Variants in NKAIN2 observed in about 807,000 individuals in gnomAD.
The protein encoded by NKAIN2 is sodium/potassium transporting ATPase interacting 2, also known as sodium/potassium-transporting ATPase subunit beta-1-interacting protein 2.
In NKAIN2, 14 loss-of-function variants were observed where a neutral mutation model predicts 32.6. The ratio of observed to expected loss-of-function variants is 0.43; its 90% CI spans 0.28 to 0.67. The LOEUF (loss-of-function observed/expected upper bound fraction) is 0.67. Among genes scored for constraint, NKAIN2 ranks in the 30% least tolerant of loss-of-function variants. The pLI, the probability that NKAIN2 is intolerant of heterozygous loss-of-function variation, is 0.17. For synonymous variants in NKAIN2, 80 were observed against 87.2 expected (o/e 0.92, Z 0.46); for missense variants, 198 against 258.3 (o/e 0.77, Z 1.60).
rs186110019 is a variant in NKAIN2 at position 124,246,964 on chromosome 6, C to T, written c.55-36041C>T. On this transcript the variant is annotated intron_variant, in intron 1 of 6. Coordinates refer to ENST00000368417, the MANE Select transcript of NKAIN2 (RefSeq NM_001040214.3). The stretch of plus-strand genomic sequence containing the variant: ...GACGGTATGCCTTTTTGGAGGCTTA[C>T]GGGAGCAATCCATTTTTTTGCCTTT... Among the ~76,000 whole-genome samples, 170 of 152,116 alleles carry T rather than the reference C, an allele frequency of 1.1e-3. 1 individual carries two copies. The highest frequency in any genetic ancestry group is 2.0e-3 in the Admixed American group (30 of 15,230).
chr6:124,108,030 T>G (rs1389227593), intron 1 of NKAIN2, among the ~76,000 whole-genome samples: 1 of 152,162 alleles, frequency 6.6e-6, no homozygotes, highest in Non-Finnish European at 1.5e-5. Flanking sequence ...TTAATTCTTT[T>G]GGATAAATGC....
chr6:124,335,217 T>C (rs1173468025), intron 2 of NKAIN2, among the ~76,000 whole-genome samples: 1 of 152,192 alleles, frequency 6.6e-6, no homozygotes, highest in Non-Finnish European at 1.5e-5. Context: ...TTAAAATGTT[T>C]AGAAAAATGT....
At chr6:124,029,888 C>G (rs1781329933) in intron 1 of NKAIN2, among the ~76,000 whole-genome samples, 1 of 152,074 alleles carries the variant, frequency 6.6e-6, no homozygotes, top group Non-Finnish European at 1.5e-5. Context: ...CTACTGTGAA[C>G]TGTGCATGTG....
At chr6:124,321,025 G>T (rs1797161626) in intron 2 of NKAIN2, among the ~76,000 whole-genome samples, 1 of 152,110 alleles carries the variant, frequency 6.6e-6, no homozygotes, top group African/African-American at 2.4e-5. Context: ...TCATCTCAAA[G>T]GCTGTAGCAC....
intron 1 of NKAIN2, among the ~76,000 whole-genome samples, chr6:124,179,649 G>A (rs185305335): frequency 2.0e-5 from 3 of 152,286 alleles, no homozygotes. Context: ...AGGCGCATCT[G>A]CTCCATTTCA....
intron 1 of NKAIN2, among the ~76,000 whole-genome samples, chr6:124,103,903 C>A (rs1318512396): frequency 6.6e-6 from 1 of 151,872 alleles, no homozygotes; most frequent in Non-Finnish European, 1.5e-5. Context: ...CTGGCTAACA[C>A]GGTGAAACCC....
intron 1 of NKAIN2, among the ~76,000 whole-genome samples, chr6:124,125,569 A>G (rs992634472): frequency 6.6e-6 from 1 of 152,174 alleles, no homozygotes; most frequent in African/African-American, 2.4e-5. Flanking sequence ...ATTATTATGA[A>G]TAAAAAACAG....
At chr6:123,836,269 G>A (rs999690434) in intron 1 of NKAIN2, among the ~76,000 whole-genome samples, 2 of 151,886 alleles carry the variant, frequency 1.3e-5, no homozygotes, top group African/African-American at 4.8e-5. Context: ...ATTTCCAAAA[G>A]GTAATATATG....
chr6:124,621,844 T>C (rs987843039), intron 3 of NKAIN2, among the ~76,000 whole-genome samples: 5 of 152,194 alleles, frequency 3.3e-5, no homozygotes, highest in Non-Finnish European at 7.3e-5. Context: ...GCTTTGGATC[T>C]AGTTGTCCTT....
rs114208226 is a variant in NKAIN2, at chr6:123,810,979, A to G, written c.54+6725A>G. 5.4e-3 allele frequency among the ~76,000 whole-genome samples: 830 copies of G among 152,322 alleles called. 3 individuals are homozygous for G. Among genetic ancestry groups the G allele is most frequent in the African/African-American group, 0.012 (480 of 41,574 alleles). On this transcript the variant is annotated intron_variant, in intron 1 of 6. Coordinates refer to ENST00000368417, the MANE Select transcript of NKAIN2 (RefSeq NM_001040214.3). ...GTTTCTGACTGCAGAGGCCTGGGCT[A>G]GGACCAGAGAATTTGTATTGCTAAG... is the stretch of plus-strand genomic sequence containing the variant.
At chr6:124,799,310 C>T (rs992894257) in intron 5 of NKAIN2, among the ~76,000 whole-genome samples, 2 of 152,096 alleles carry the variant, frequency 1.3e-5, no homozygotes, top group African/African-American at 4.8e-5. Flanking sequence ...TAAATTGCTC[C>T]CTCTTGTGAT....
intron 3 of NKAIN2, among the ~76,000 whole-genome samples, chr6:124,571,791 C>A (rs1478760080): frequency 6.6e-6 from 1 of 152,176 alleles, no homozygotes; most frequent in African/African-American, 2.4e-5. Context: ...TCCATTCTCT[C>A]TCCTTTGGCT....
At chr6:124,318,056 AT>A (rs1180423625) in intron 2 of NKAIN2, among the ~76,000 whole-genome samples, 1 of 152,096 alleles carries the variant, frequency 6.6e-6, no homozygotes, top group Non-Finnish European at 1.5e-5. Context: ...AATGCTAAGT[AT>A]AAATCATTTC....
chr6:124,778,126 G>GA (rs1343222755), intron 4 of NKAIN2, among the ~76,000 whole-genome samples: 3 of 152,090 alleles, frequency 2.0e-5, no homozygotes, highest in South Asian at 4.2e-4. Context: ...TTAAAGGCAA[G>GA]AAAAAAATGC....
intron 2 of NKAIN2, among the ~76,000 whole-genome samples, chr6:124,307,660 A>G (rs1213562458): frequency 6.6e-6 from 1 of 152,188 alleles, no homozygotes; most frequent in Non-Finnish European, 1.5e-5. Flanking sequence ...TCTTTATTAC[A>G]TGATCCATAG....
chr6:123,910,499 G>GTTTTTTT lies in NKAIN2; in HGVS notation c.54+106262_54+106268dup, dbSNP rs35165515. On this transcript the variant is annotated intron_variant, in intron 1 of 6. Coordinates refer to ENST00000368417, the MANE Select transcript of NKAIN2 (RefSeq NM_001040214.3). ...TTTGAGGACATTACCTGCAATGCATGTTTTTTTTTTTTTTTTTTTTTTTGA... is the reference window on the plus strand; with the variant it reads ...TTTGAGGACATTACCTGCAATGCATGTTTTTTTTTTTTTTTTTTTTTTTTTTTTTTGA... Among the ~76,000 whole-genome samples, 97 of 81,294 alleles carry GTTTTTTT rather than the reference G, an allele frequency of 1.2e-3. 2 individuals carry two copies. Among genetic ancestry groups the GTTTTTTT allele is most frequent in the African/African-American group, 1.5e-3 (30 of 19,930 alleles). 53.3% of individuals were successfully genotyped at this position (81,294 alleles called of 152,430 possible).
intron 1 of NKAIN2, among the ~76,000 whole-genome samples, chr6:124,141,464 G>C (rs558028264): frequency 1.3e-5 from 2 of 152,040 alleles, no homozygotes; most frequent in East Asian, 3.9e-4. Flanking sequence ...TTAGCTTATA[G>C]GTCTGCGTTT....
chr6:124,572,150 G>C (rs960326473), intron 3 of NKAIN2, among the ~76,000 whole-genome samples: 2 of 152,184 alleles, frequency 1.3e-5, no homozygotes, highest in Non-Finnish European at 2.9e-5. Flanking sequence ...ATCAAGCTGA[G>C]AGTGAATTCA....
At position 124,529,478 on chromosome 6, in the gene NKAIN2, C is replaced by A. The variant is rs1583394187; in HGVS notation, c.274-128708C>A. On this transcript the variant is annotated intron_variant, in intron 3 of 6. Transcript: ENST00000368417. ...TTATAATTTAGTCTCATTGGGGTGACTAGAGTTATATTTCATTTCCCTTTA... is the reference window on the plus strand; with the variant it reads ...TTATAATTTAGTCTCATTGGGGTGAATAGAGTTATATTTCATTTCCCTTTA... Among the ~76,000 whole-genome samples the A allele has an allele frequency of 2.0e-5, 3 of 152,144 alleles. No individual in the cohort carries two copies. In the South Asian group the frequency reaches 6.2e-4, roughly 31 times the overall value.
Sources: gnomAD v4.1 joint callset for allele counts (sites outside exome capture counted in the v4.1 genomes callset) on GRCh38, gnomAD v4.1.1 for gene constraint, MANE v1.5 for transcripts, NCBI Gene and HGNC (gene_info 2026-07-23, HGNC 2026-07-21) for gene names.